The following RNF17 variants were observed in gnomAD, a reference collection of about 807,000 sequenced individuals.
The protein encoded by RNF17 is spermatogenesis associated 23.
A neutral mutation model predicts 200.5 loss-of-function variants in RNF17; 31 were observed. That is an observed-to-expected ratio of 0.15 (90% CI 0.12 to 0.21). The LOEUF is 0.21. RNF17 is among the 10% of genes least tolerant of loss of function. The pLI, the probability that RNF17 is intolerant of heterozygous loss-of-function variation, is 1.00. For missense variants in RNF17, 1,628 were observed against 1,905.1 expected, an observed-to-expected ratio of 0.85 and a Z score of 2.71; for synonymous variants, 606 against 637.8, an observed-to-expected ratio of 0.95 and a Z score of 0.75.
At chr13:24,855,433 G>C (rs941646760) in intron 25 of RNF17, among the ~76,000 whole-genome samples, 1 of 152,008 alleles carries the variant, frequency 6.6e-6, no homozygotes, top group Non-Finnish European at 1.5e-5. Flanking sequence ...TTTGAGACCA[G>C]CCTGGCCAAC....
At chr13:24,814,998 CAAGT>C (rs1375068454) in intron 15 of RNF17, among the ~76,000 whole-genome samples, 11 of 152,006 alleles carry the variant, frequency 7.2e-5, no homozygotes, top group African/African-American at 2.7e-4. Context: ...TTTGTTTTAA[CAAGT>C]GAGAGAGAGA....
chr13:24,831,040 G>A (rs1889325070), intron 17 of RNF17, among the ~76,000 whole-genome samples: 1 of 152,140 alleles, frequency 6.6e-6, no homozygotes, highest in African/African-American at 2.4e-5. Context: ...TGAAAGAAGG[G>A]TAAGAAGGAG....
At position 24,830,558 on chromosome 13, in the gene RNF17, G is replaced by T. The variant is rs148441819; in HGVS notation, c.2320G>T (p.Val774Leu). Residue 774 changes from valine (V) to leucine (L), a missense_variant, in exon 17 of 36, where the codon GTG becomes TTG. Physicochemically the swap from Val to Leu is conservative, Grantham distance 32. Transcript: ENST00000255324. ...TACTGCAAAAATAACAATCAAAGACGTGCGTAAAATAAAGGATGAGTTTCT... is the reference window on the plus strand; with the variant it reads ...TACTGCAAAAATAACAATCAAAGACTTGCGTAAAATAAAGGATGAGTTTCT... ...GNTAKITIKD[V>L]RKIKDEFLNA... The T allele has an allele frequency of 1.9e-6, 3 of 1,611,318 alleles. No homozygotes were observed. The highest frequency in any genetic ancestry group is 1.3e-5 in the African/African-American group (1 of 74,800).
the RNF17 span, among the ~76,000 whole-genome samples, chr13:24,753,072 C>G: frequency 6.6e-6 from 1 of 152,052 alleles, no homozygotes; most frequent in African/African-American, 2.4e-5. Flanking sequence ...TAATGAGTGT[C>G]AGGGATGGGG....
chr13:24,873,927 A>G (rs1267565277), intron 32 of RNF17, among the ~76,000 whole-genome samples, 187 bp from the exon 33 acceptor site: 2 of 152,168 alleles, frequency 1.3e-5, no homozygotes, highest in African/African-American at 2.4e-5. Flanking sequence ...TTGTGTATAT[A>G]ATCACCACAT....
chr13:24,779,783 T>C, intron 5 of RNF17, 36 bp downstream of exon 5: 1 of 1,460,764 alleles, frequency 6.8e-7, no homozygotes, highest in South Asian at 1.1e-5. Flanking sequence ...TATCATGAAG[T>C]GAAGCATGTC....
intron 16 of RNF17, among the ~76,000 whole-genome samples, chr13:24,827,469 T>C (rs1217478518): frequency 2.0e-5 from 3 of 151,868 alleles, no homozygotes; most frequent in Non-Finnish European, 4.4e-5. Flanking sequence ...TTAGTCTGTT[T>C]TGTGCTGCTG....
intron 15 of RNF17, chr13:24,824,167 G>A (rs1294274319): frequency 1.4e-6 from 1 of 707,776 alleles, no homozygotes; most frequent in East Asian, 2.7e-5. Flanking sequence ...AGGCTTCTTG[G>A]TTACTGTAAA....
intron 2 of RNF17, among the ~76,000 whole-genome samples, chr13:24,770,864 G>T (rs78621252): frequency 1.3e-5 from 2 of 151,792 alleles, no homozygotes; most frequent in African/African-American, 4.8e-5. Flanking sequence ...CACTATAATT[G>T]TGTACAATTC....
At chr13:24,759,667 T>A (rs2137819432), upstream of RNF17, among the ~76,000 whole-genome samples, 1 of 151,570 alleles carries the variant, frequency 6.6e-6, no homozygotes, top group Admixed American at 6.6e-5. Flanking sequence ...TGGGCAGAAA[T>A]CTCAGAAGCC....
At chr13:24,880,466 A>AATG (rs777004941), downstream of RNF17, among the ~76,000 whole-genome samples, 15 of 152,202 alleles carry the variant, frequency 9.9e-5, no homozygotes, top group Non-Finnish European at 1.9e-4. Flanking sequence ...CATTCATATA[A>AATG]ATGTCTTTAT....
intron 31 of RNF17, among the ~76,000 whole-genome samples, chr13:24,870,150 G>A (rs770546284): frequency 3.3e-5 from 5 of 151,970 alleles, no homozygotes; most frequent in Non-Finnish European, 7.4e-5. Flanking sequence ...GTTTCACCGT[G>A]TTAGCCAGGA....
intron 15 of RNF17, among the ~76,000 whole-genome samples, chr13:24,822,604 A>T (rs1164466823): frequency 6.6e-6 from 1 of 152,070 alleles, no homozygotes; most frequent in Non-Finnish European, 1.5e-5. Context: ...TATTTTTAGT[A>T]GAGATGGGGT....
chr13:24,816,356 C>T (rs1887407851), intron 15 of RNF17, among the ~76,000 whole-genome samples: 1 of 152,104 alleles, frequency 6.6e-6, no homozygotes, highest in South Asian at 2.1e-4. Context: ...GTTATACCAC[C>T]TCATCTTTGG....
At chr13:24,846,910 C>T (rs1891314186) in intron 22 of RNF17, among the ~76,000 whole-genome samples, 1 of 152,058 alleles carries the variant, frequency 6.6e-6, no homozygotes, top group South Asian at 2.1e-4. Flanking sequence ...TATGTGTAGG[C>T]TTTTCAGACA....
chr13:24,785,815 C>T (rs1374950194), intron 6 of RNF17, among the ~76,000 whole-genome samples: 1 of 152,142 alleles, frequency 6.6e-6, no homozygotes, highest in African/African-American at 2.4e-5. Flanking sequence ...ACATTAAAGT[C>T]TATTTTGCCT....
In RNF17 at chr13:24,842,852, G is replaced by A. The variant is rs544311938; in HGVS notation, c.2603+691G>A. Among the ~76,000 whole-genome samples, 39 of 152,012 alleles carry A rather than the reference G, an allele frequency of 2.6e-4. 1 individual carries two copies. In the South Asian group the frequency reaches 8.1e-3, roughly 32 times the overall value. On this transcript the variant is annotated intron_variant, in intron 19 of 35. Transcript: ENST00000255324. Reference sequence around the variant, plus strand: ...ATAAAAAAATTAGCTGGGCGTGGTGGCGTGCGTGCCTATAGTCCCAGCTAC... The same window carrying A: ...ATAAAAAAATTAGCTGGGCGTGGTGACGTGCGTGCCTATAGTCCCAGCTAC...
In RNF17 at chr13:24,858,990, C is replaced by CT. The variant is rs1284517852; in HGVS notation, c.3611-4dup. ...TCCTTAATGCTTTCTATCTTTAATA[C>CT]TTTTTTTCAGAATTTGAGCTAATAA... On this transcript the variant is annotated splice_polypyrimidine_tract_variant and intron_variant, in intron 25 of 35. Coordinates refer to ENST00000255324, the MANE Select transcript of RNF17 (RefSeq NM_031277.3). 5 of 1,513,714 alleles carry CT rather than the reference C, an allele frequency of 3.3e-6. No homozygotes were observed. Among genetic ancestry groups the CT allele is most frequent in the Non-Finnish European group, 1.8e-6 (2 of 1,101,096 alleles). 93.8% of individuals were successfully genotyped at this position (1,513,714 alleles called of 1,614,324 possible). A position where few individuals can be genotyped will look rare whatever the true frequency, so the allele number is the denominator to read the frequency against.
chr13:24,767,003 T>A (rs1879791060), intron 1 of RNF17, among the ~76,000 whole-genome samples: 1 of 152,226 alleles, frequency 6.6e-6, no homozygotes, highest in Non-Finnish European at 1.5e-5. Flanking sequence ...TCTTTGAATT[T>A]CCCTTGTATC....
Sources: gnomAD v4.1 joint callset for allele counts (sites outside exome capture counted in the v4.1 genomes callset) on GRCh38, gnomAD v4.1.1 for gene constraint, MANE v1.5 for transcripts, NCBI Gene and HGNC (gene_info 2026-07-23, HGNC 2026-07-21) for gene names.